TMT1A: variants seen among roughly 807,000 people sequenced by gnomAD.
TMT1A encodes the protein thiol methyltransferase 1A.
chr12:50,927,242 G>T, the TMT1A span, among the ~76,000 whole-genome samples: 1 of 152,158 alleles, frequency 6.6e-6, no homozygotes, highest in East Asian at 1.9e-4. Flanking sequence ...GCCCAGGCTG[G>T]TCTCAAACTC....
At chr12:50,926,552 G>A in the TMT1A span, among the ~76,000 whole-genome samples, 1 of 152,234 alleles carries the variant, frequency 6.6e-6, no homozygotes, top group Non-Finnish European at 1.5e-5. Flanking sequence ...AGGATGCTAT[G>A]TAAGTGAGTT....
chr12:50,925,501 C>T, the TMT1A span: 17 of 1,613,764 alleles, frequency 1.1e-5, no homozygotes, highest in Middle Eastern at 1.7e-4. Flanking sequence ...GAACCAGGAG[C>T]GGATTCTCCG....
At chr12:50,929,902 T>A in the TMT1A span, 4 of 1,549,428 alleles carry the variant, frequency 2.6e-6, no homozygotes, top group South Asian at 2.4e-5. Context: ...TTTTTTTTTC[T>A]TTCTTTCTCA....
At chr12:50,926,033 A>G in the TMT1A span, among the ~76,000 whole-genome samples, 1 of 148,592 alleles carries the variant, frequency 6.7e-6, no homozygotes. Context: ...AAAAAAAAAA[A>G]AAAAAAGAAA....
chr12:50,930,274 GTTTTTTT>G, the TMT1A span: 1 of 522,322 alleles, frequency 1.9e-6, no homozygotes, highest in Non-Finnish European at 3.1e-6. Context: ...TTTGTTGTTG[GTTTTTTT>G]TTTTTTTTTG....
the TMT1A span, chr12:50,925,019 G>GT: frequency 6.3e-5 from 101 of 1,610,098 alleles, no homozygotes; most frequent in Middle Eastern, 3.4e-4. Context: ...CTGTTGATCT[G>GT]TTTTTTTCCC....
chr12:50,931,018 A>G, the TMT1A span: 2 of 151,818 alleles, frequency 1.3e-5, no homozygotes, highest in Non-Finnish European at 2.9e-5. Flanking sequence ...GAAACAGTCG[A>G]CTTTCATAAT....
the TMT1A span, among the ~76,000 whole-genome samples, chr12:50,929,128 G>A: frequency 2.4e-4 from 36 of 152,218 alleles, no homozygotes; most frequent in African/African-American, 8.4e-4. Context: ...CCAGCTACTT[G>A]GGGGGCTGAG....
chr12:50,930,274 G>GTTTT, the TMT1A span: 9 of 522,270 alleles, frequency 1.7e-5, no homozygotes, highest in Admixed American at 3.9e-5. Flanking sequence ...TTTGTTGTTG[G>GTTTT]TTTTTTTTTT....
chr12:50,925,377 G>C, the TMT1A span: 2 of 1,614,236 alleles, frequency 1.2e-6, no homozygotes, highest in Admixed American at 3.3e-5. Context: ...GCATTGCAGA[G>C]AACCGACACC....
At chr12:50,926,054 A>C in the TMT1A span, among the ~76,000 whole-genome samples, 1 of 149,320 alleles carries the variant, frequency 6.7e-6, no homozygotes, top group Non-Finnish European at 1.5e-5. Context: ...GAAAGAAAAA[A>C]AAGAATAAGA....
At chr12:50,931,007 G>A in the TMT1A span, 3 of 151,638 alleles carry the variant, frequency 2.0e-5, no homozygotes, top group Admixed American at 2.0e-4. Flanking sequence ...CCCCTTCAAA[G>A]GAAACAGTCG....
chr12:50,928,052 T>G, the TMT1A span, among the ~76,000 whole-genome samples: 1 of 152,192 alleles, frequency 6.6e-6, no homozygotes, highest in Non-Finnish European at 1.5e-5. Context: ...GTCCAACTTC[T>G]GGCCTCAAGT....
At chr12:50,925,638 AACT>A in the TMT1A span, 1 of 1,316,940 alleles carries the variant, frequency 7.6e-7, no homozygotes, top group South Asian at 1.6e-5. Context: ...ATAAAAAGTA[AACT>A]ACTAGAAAAT....
At chr12:50,932,139 G>A in the TMT1A span, 1 of 152,138 alleles carries the variant, frequency 6.6e-6, no homozygotes, top group Non-Finnish European at 1.5e-5. Context: ...GCTGAATATT[G>A]TAGATTGTAG....
the TMT1A span, among the ~76,000 whole-genome samples, chr12:50,929,070 T>C: frequency 4.7e-3 from 706 of 150,748 alleles, 9 homozygotes; most frequent in African/African-American, 0.016. Context: ...AAACTCTGTC[T>C]CTATAAAAAA....
At chr12:50,931,149 T>C in the TMT1A span, 1 of 149,766 alleles carries the variant, frequency 6.7e-6, no homozygotes, top group Non-Finnish European at 1.5e-5. Context: ...AGAAAGAGAA[T>C]AGCTCTCTGT....
chr12:50,926,308 C>T, the TMT1A span, among the ~76,000 whole-genome samples: 1 of 152,072 alleles, frequency 6.6e-6, no homozygotes, highest in Non-Finnish European at 1.5e-5. Context: ...ACTAATTTTA[C>T]CTATTATACT....
the TMT1A span, among the ~76,000 whole-genome samples, chr12:50,929,453 C>T: frequency 6.6e-6 from 1 of 152,164 alleles, no homozygotes; most frequent in Non-Finnish European, 1.5e-5. Context: ...TCCCTTGCTC[C>T]TTACTCCCCT....
Sources: allele counts gnomAD v4.1 joint callset (sites outside exome capture counted in the v4.1 genomes callset), GRCh38; gene constraint gnomAD v4.1.1; transcripts MANE v1.5; gene names NCBI Gene and HGNC (gene_info 2026-07-23, HGNC 2026-07-21).